OIP5: variants seen among roughly 807,000 people sequenced by gnomAD.
OIP5 encodes Opa interacting protein 5, also known as protein Mis18-beta.
A neutral mutation model predicts 20.3 loss-of-function variants in OIP5; 24 were observed. The ratio of observed to expected loss-of-function variants is 1.18; its 90% CI spans 0.86 to 1.66. The LOEUF is 1.66. OIP5 is among the 40% of genes most tolerant of loss of function. OIP5 has a pLI of 0.00. For synonymous variants in OIP5, 143 were observed against 121.3 expected (o/e 1.18, Z -1.17); for missense variants, 339 against 289.5 (o/e 1.17, Z -1.24).
rs574920598 is a variant in OIP5, at chr15:41,322,563, A to AT, written c.390-2784dup. Among the ~76,000 whole-genome samples the AT allele has an allele frequency of 3.7e-3, 556 of 149,608 alleles. 2 individuals are homozygous for AT. The highest frequency in any genetic ancestry group is 0.01 in the Middle Eastern group (3 of 292). ...AGGTGCATGCTACCATGCCCTACTA[A>AT]TTTTTTTTTTGGCAGAAATGGGGTC... On this transcript the variant is annotated intron_variant, in intron 2 of 4. Coordinates refer to ENST00000220514, the MANE Select transcript of OIP5 (RefSeq NM_007280.2).
Position 41,332,444 on chromosome 15 carries a change from C to T in OIP5, c.118G>A (p.Asp40Asn), listed in dbSNP as rs773953588. The stretch of plus-strand genomic sequence containing the variant: ...GAGGACCCCTTCACCACCTGCGTAT[C>T]CCACTCCATGGAGGTCGTAAAAGAA... ...QASFTTSMEW[D>N]TQVVKGSSPL... Residue 40 changes from aspartate (D) to asparagine (N), a missense_variant, in exon 1 of 5, where the codon GAT (aspartate) becomes AAT (asparagine). Transcript: ENST00000220514. 3 of 1,614,116 alleles carry T rather than the reference C, an allele frequency of 1.9e-6. 1 individual carries two copies. The South Asian group carries it at 3.3e-5, about 18-fold the overall frequency.
chr15:41,325,721 G>A (rs149670004), intron 2 of OIP5, among the ~76,000 whole-genome samples: 10 of 151,054 alleles, frequency 6.6e-5, no homozygotes, highest in South Asian at 2.1e-4. Flanking sequence ...GTGGTGGCAC[G>A]CACCTGTAAT....
intron 2 of OIP5, among the ~76,000 whole-genome samples, chr15:41,330,652 C>T (rs1353069508): frequency 1.3e-5 from 2 of 152,120 alleles, no homozygotes; most frequent in Non-Finnish European, 2.9e-5. Flanking sequence ...ATCCGCCCGC[C>T]TCGGCCTCCC....
At position 41,319,838 on chromosome 15, in the gene OIP5, A is replaced by C. The variant is rs977768725; in HGVS notation, c.390-58T>G. 2.4e-5 allele frequency: 34 copies of C among 1,443,860 alleles called. No individual in the cohort carries two copies. In the East Asian group the frequency reaches 2.7e-4, roughly 11 times the overall value. 89.4% of individuals were successfully genotyped at this position (1,443,860 alleles called of 1,614,324 possible). A position where few individuals can be genotyped will look rare whatever the true frequency, so the allele number is the denominator to read the frequency against. On this transcript the variant is annotated intron_variant, in intron 2 of 4. Coordinates refer to ENST00000220514, the MANE Select transcript of OIP5 (RefSeq NM_007280.2). ...AATAAAAAATCATATAAGAAATAAA[A>C]AATAACTAGTCTCTGAAGCATTCCT...
rs374695010 is a variant in OIP5 at position 41,332,587 on chromosome 15, C to T, written c.-26G>A. ...CTTCCCGCAGCCGGCGCCTTCCTTT[C>T]GAATACACGCCAGGCCCCGCCCCAA... is the stretch of plus-strand genomic sequence containing the variant. On this transcript the variant is annotated 5_prime_UTR_variant, in exon 1 of 5. Coordinates refer to ENST00000220514, the MANE Select transcript of OIP5 (RefSeq NM_007280.2). The T allele has an allele frequency of 4.4e-6, 7 of 1,579,580 alleles. No individual in the cohort carries two copies. In the African/African-American group the frequency reaches 5.4e-5, roughly 12 times the overall value.
chr15:41,315,093 C>G (rs1263228002), intron 3 of OIP5, among the ~76,000 whole-genome samples: 2 of 141,272 alleles, frequency 1.4e-5, no homozygotes, highest in Admixed American at 1.5e-4. Flanking sequence ...CAGTGAGACC[C>G]TGTCTCAAAA....
rs1179793679 is a variant in OIP5 at position 41,331,897 on chromosome 15, G to C, written c.389+18C>G. The stretch of plus-strand genomic sequence containing the variant: ...ATAAAGTCAGGGACTAGAGACCAAT[G>C]TAATTATCAATACGTACCTGCCTTT... On this transcript the variant is annotated intron_variant, in intron 2 of 4. Transcript: ENST00000220514. 1 of 1,606,520 alleles carries C rather than the reference G, an allele frequency of 6.2e-7. No individual in the cohort carries two copies. Among genetic ancestry groups the C allele is most frequent in the Non-Finnish European group, 8.5e-7 (1 of 1,173,186 alleles).
At chr15:41,316,419 TGGTA>T (rs2047788860) in intron 3 of OIP5, among the ~76,000 whole-genome samples, 1 of 152,088 alleles carries the variant, frequency 6.6e-6, no homozygotes, top group African/African-American at 2.4e-5. Flanking sequence ...GAGCAACCCA[TGGTA>T]AAGGACTGGC....
chr15:41,310,467 A>C (rs1041784540), intron 4 of OIP5, among the ~76,000 whole-genome samples: 2 of 152,094 alleles, frequency 1.3e-5, no homozygotes, highest in Non-Finnish European at 2.9e-5. Flanking sequence ...TCTACTAAAA[A>C]TACAAAAACA....
intron 4 of OIP5, among the ~76,000 whole-genome samples, chr15:41,311,945 C>G (rs2047757539): frequency 7.1e-6 from 1 of 141,838 alleles, no homozygotes; most frequent in East Asian, 1.9e-4. Context: ...ACCTCTGCCT[C>G]CCAGGTTCAA....
In OIP5 at chr15:41,321,189, C is replaced by T. The variant is rs1435758851; in HGVS notation, c.390-1409G>A. Among the ~76,000 whole-genome samples, 17 of 151,080 alleles carry T rather than the reference C, an allele frequency of 1.1e-4. 1 individual carries two copies. The highest frequency in any genetic ancestry group is 9.2e-4 in the Admixed American group (14 of 15,238). On this transcript the variant is annotated intron_variant, in intron 2 of 4. Transcript: ENST00000220514. ...CCCCCGCCCAGCCAGCCGCCCCGTC[C>T]AGGAGGGAGGTGGGGGGGTCAGCCC...
At chr15:41,332,002 C>T in intron 1 of OIP5, 21 bp from the exon 2 acceptor site, 1 of 1,612,228 alleles carries the variant, frequency 6.2e-7, no homozygotes, top group Non-Finnish European at 8.5e-7. Flanking sequence ...AAACACGGGT[C>T]AGAACCCATA....
chr15:41,331,825 C>A (rs919419826), intron 2 of OIP5, 90 bp downstream of exon 2: 2 of 1,065,580 alleles, frequency 1.9e-6, no homozygotes, highest in South Asian at 1.3e-5. Flanking sequence ...AGCAGCATCC[C>A]AAACTGTTTT....
intron 3 of OIP5, among the ~76,000 whole-genome samples, chr15:41,314,685 G>A (rs1384413269): frequency 6.7e-6 from 1 of 150,052 alleles, no homozygotes; most frequent in Non-Finnish European, 1.5e-5. Flanking sequence ...AGGCTGAAGT[G>A]CAATGGCGAG....
intron 2 of OIP5, among the ~76,000 whole-genome samples, chr15:41,322,843 G>A (rs887376396): frequency 6.6e-5 from 10 of 152,030 alleles, no homozygotes; most frequent in African/African-American, 2.4e-4. Context: ...GGTGAGGCAG[G>A]AGAATCGCTT....
At chr15:41,322,219 G>T (rs947941636) in intron 2 of OIP5, among the ~76,000 whole-genome samples, 2 of 152,096 alleles carry the variant, frequency 1.3e-5, no homozygotes, top group African/African-American at 4.8e-5. Context: ...TGGGCAGATA[G>T]CTTGAGCCCA....
intron 4 of OIP5, 115 bp from the exon 5 acceptor site, chr15:41,309,964 C>T: frequency 1.6e-6 from 1 of 630,666 alleles, no homozygotes; most frequent in Non-Finnish European, 2.7e-6. Context: ...TCATAGTTCA[C>T]TGCAGCCTCA....
At chr15:41,313,967 A>T (rs181758522) in intron 3 of OIP5, among the ~76,000 whole-genome samples, 101 of 152,306 alleles carry the variant, frequency 6.6e-4, no homozygotes, top group Non-Finnish European at 3.5e-4. Flanking sequence ...TAAATTAAAG[A>T]CAAAAACCAG....
rs2047858266 is a variant in OIP5 at position 41,325,817 on chromosome 15, TTC to T, written c.390-6039_390-6038del. Among the ~76,000 whole-genome samples, 5 of 143,276 alleles carry T rather than the reference TTC, an allele frequency of 3.5e-5. No individual in the cohort carries two copies. In the South Asian group the frequency reaches 1.1e-3, roughly 31 times the overall value. The allele number at this position is 143,276 out of a possible 152,430, so 94.0% of individuals were successfully genotyped here. ...GTGAGCCAAGATCATGCCACTGCAC[TTC>T]TGTCTGGGCAACAGAGCAAGACTCC... On this transcript the variant is annotated intron_variant, in intron 2 of 4. Transcript: ENST00000220514.
Sources: gnomAD v4.1 joint callset for allele counts (sites outside exome capture counted in the v4.1 genomes callset) on GRCh38, gnomAD v4.1.1 for gene constraint, MANE v1.5 for transcripts, NCBI Gene and HGNC (gene_info 2026-07-23, HGNC 2026-07-21) for gene names.